The following MMP20 variants were observed in gnomAD, a reference collection of about 807,000 sequenced individuals.
The protein encoded by MMP20 is matrix metalloproteinase-20.
A neutral mutation model predicts 51.8 loss-of-function variants in MMP20; 50 were observed. That is an observed-to-expected ratio of 0.97 (90% CI 0.77 to 1.22). The LOEUF (loss-of-function observed/expected upper bound fraction) is 1.22. Among genes scored for constraint, MMP20 ranks in the 50% most tolerant of loss-of-function variants. The pLI, the probability that MMP20 is intolerant of heterozygous loss-of-function variation, is 0.00. For synonymous variants in MMP20, 244 were observed against 216.2 expected, an observed-to-expected ratio of 1.13 and a Z score of -1.13; for missense variants, 663 against 601.4, an observed-to-expected ratio of 1.10 and a Z score of -1.07.
rs769676911 is a variant in MMP20, at chr11:102,577,424, A to G, written c.1354T>C (p.Tyr452His). The change falls in exon 10 of 10, where the codon TAC (tyrosine) becomes CAC (histidine). Residue 452 changes from tyrosine to histidine, a missense_variant and splice_region_variant. By Grantham distance (83) the Tyr-to-His change is moderately conservative. Transcript: ENST00000260228. ...QIDAAVELNG[Y>H]IYFFSGPKTY... ...TTTGGTCCTGAAAAGAAGTAAATGT[A>G]GCCTAAAAGAGACAAAGTTGAAATT... The G allele has an allele frequency of 6.2e-7, 1 of 1,607,756 alleles. No individual in the cohort carries two copies. Among genetic ancestry groups the G allele is most frequent in the South Asian group, 1.1e-5 (1 of 90,940 alleles).
intron 6 of MMP20, among the ~76,000 whole-genome samples, chr11:102,598,006 A>T (rs887782507): frequency 4.6e-5 from 7 of 151,656 alleles, no homozygotes; most frequent in Non-Finnish European, 1.0e-4. Context: ...ACCTCAGGTG[A>T]TCTGCCTGCC....
intron 6 of MMP20, among the ~76,000 whole-genome samples, chr11:102,604,512 A>G (rs902279657): frequency 6.6e-6 from 1 of 152,192 alleles, no homozygotes; most frequent in Non-Finnish European, 1.5e-5. Context: ...AAGAATAGTA[A>G]CTGCCATTTA....
chr11:102,621,300 G>A (rs980181609), intron 1 of MMP20, among the ~76,000 whole-genome samples: 15 of 152,232 alleles, frequency 9.9e-5, no homozygotes, highest in African/African-American at 3.6e-4. Context: ...CACGCAGGAT[G>A]TTTACCTTGG....
chr11:102,619,587 CA>C (rs1026895473), intron 1 of MMP20, among the ~76,000 whole-genome samples: 12 of 151,548 alleles, frequency 7.9e-5, no homozygotes, highest in East Asian at 1.9e-4. Context: ...AAATAAATGC[CA>C]AAAAAATCCA....
chr11:102,589,627 T>G (rs1711402), intron 8 of MMP20, among the ~76,000 whole-genome samples: 1 of 152,110 alleles, frequency 6.6e-6, no homozygotes, highest in Non-Finnish European at 1.5e-5. Flanking sequence ...ATCCAAATTG[T>G]CAGATAATTG....
intron 3 of MMP20, among the ~76,000 whole-genome samples, chr11:102,610,780 G>A (rs367764369): frequency 2.7e-5 from 4 of 149,362 alleles, no homozygotes; most frequent in East Asian, 1.9e-4. Context: ...TTAAAAAGCC[G>A]ACAGAACAAA....
chr11:102,589,203 G>C (rs1293300599), intron 8 of MMP20, among the ~76,000 whole-genome samples: 1 of 152,088 alleles, frequency 6.6e-6, no homozygotes, highest in African/African-American at 2.4e-5. Flanking sequence ...GCTATTTTGT[G>C]CATCAGTAAA....
intron 1 of MMP20, 37 bp from the exon 2 acceptor site, chr11:102,617,096 A>G: frequency 2.5e-6 from 4 of 1,613,788 alleles, no homozygotes; most frequent in Non-Finnish European, 3.4e-6. Flanking sequence ...TCTACAGCGT[A>G]GTCTGGGAAA....
chr11:102,613,105 G>A (rs1375548469), intron 2 of MMP20, among the ~76,000 whole-genome samples: 1 of 152,216 alleles, frequency 6.6e-6, no homozygotes, highest in Non-Finnish European at 1.5e-5. Flanking sequence ...TTGAAAAAAG[G>A]GTGAGCCTTT....
At position 102,594,607 on chromosome 11, in the gene MMP20, G is replaced by T. The variant is rs766066167; in HGVS notation, c.1090+14C>A. 4.3e-6 allele frequency: 7 copies of T among 1,613,168 alleles called. No homozygotes were observed. The highest frequency in any genetic ancestry group is 4.0e-5 in the African/African-American group (3 of 74,866). Reference sequence around the variant, plus strand: ...AGCCCTGCCATTTCTTTCTTTGAGGGATCTGTAGGGTACCTTTGAAGAAGT... The same window carrying T: ...AGCCCTGCCATTTCTTTCTTTGAGGTATCTGTAGGGTACCTTTGAAGAAGT... On this transcript the variant is annotated intron_variant, in intron 7 of 9. Coordinates refer to ENST00000260228, the MANE Select transcript of MMP20 (RefSeq NM_004771.4).
At position 102,593,457 on chromosome 11, in the gene MMP20, A is replaced by T; in HGVS notation, c.1229T>A (p.Val410Glu). 6.2e-7 allele frequency: 1 copy of T among 1,614,138 alleles called. No individual in the cohort carries two copies. The highest frequency in any genetic ancestry group is 8.5e-7 in the Non-Finnish European group (1 of 1,179,980). Residue 410 changes from valine (V) to glutamate (E), a missense_variant, in exon 8 of 10, where the codon GTG becomes GAG. Physicochemically the swap from Val to Glu is moderately radical, Grantham distance 121 (BLOSUM62 -2). Coordinates refer to ENST00000260228, the MANE Select transcript of MMP20 (RefSeq NM_004771.4). Reference sequence around the variant, plus strand: ...GCCATACCTGTAGTATTCATCTCCCACAAAGAAAAGGGTCTTCTGTGGCTC... The same window carrying T: ...GCCATACCTGTAGTATTCATCTCCCTCAAAGAAAAGGGTCTTCTGTGGCTC... Reference protein sequence around the residue: ...LREPQKTLFFVGDEYYSYDER... With the variant: ...LREPQKTLFFEGDEYYSYDER...
chr11:102,617,063 A>G lies in MMP20; in HGVS notation c.127-4T>C. ...TGTAATATTTGTCAAGATACGCCTG[A>G]AATGGAGAGGCAGGCTGACGCGTCT... is the stretch of plus-strand genomic sequence containing the variant. On this transcript the variant is annotated splice_region_variant and splice_polypyrimidine_tract_variant and intron_variant, in intron 1 of 9. Transcript: ENST00000260228. 6.2e-7 allele frequency: 1 copy of G among 1,614,240 alleles called. No homozygotes were observed. Among genetic ancestry groups the G allele is most frequent in the Non-Finnish European group, 8.5e-7 (1 of 1,180,036 alleles).
At chr11:102,625,013 A>T (rs886787887) in intron 1 of MMP20, among the ~76,000 whole-genome samples, 181 bp downstream of exon 1, 2 of 152,230 alleles carry the variant, frequency 1.3e-5, no homozygotes, top group African/African-American at 4.8e-5. Context: ...GTAACATGGT[A>T]CACCTAATAT....
intron 6 of MMP20, among the ~76,000 whole-genome samples, chr11:102,599,376 G>C (rs1285403672): frequency 6.6e-6 from 1 of 152,132 alleles, no homozygotes; most frequent in Non-Finnish European, 1.5e-5. Context: ...CAGGTGATGT[G>C]GTGCAGTGAA....
At chr11:102,595,565 G>A (rs1859371984) in intron 6 of MMP20, among the ~76,000 whole-genome samples, 2 of 152,164 alleles carry the variant, frequency 1.3e-5, no homozygotes, top group African/African-American at 4.8e-5. Context: ...ATGCTGATTA[G>A]ACCCTGTAAA....
At chr11:102,585,023 C>T (rs1452470562) in intron 8 of MMP20, among the ~76,000 whole-genome samples, 1 of 152,066 alleles carries the variant, frequency 6.6e-6, no homozygotes, top group Non-Finnish European at 1.5e-5. Context: ...GTTACTGTTT[C>T]TTTGTAGTAA....
Position 102,594,667 on chromosome 11 carries a change from A to G in MMP20, c.1044T>C (p.Asp348=), listed in dbSNP as rs1169560015. 2 of 1,613,330 alleles carry G rather than the reference A, an allele frequency of 1.2e-6. No individual in the cohort carries two copies. Among genetic ancestry groups the G allele is most frequent in the Non-Finnish European group, 1.7e-6 (2 of 1,179,956 alleles). ...CCCTCTCAGCCACTTCGTAAGCTGC[A>G]TCCACATTGGACATGAGCTGGGGGA... ...SSFPQLMSNV[D]AAYEVAERGT... Residue 348 remains aspartate, a synonymous_variant, in exon 7 of 10, where the codon GAT becomes GAC. Transcript: ENST00000260228.
intron 8 of MMP20, among the ~76,000 whole-genome samples, chr11:102,584,747 T>C (rs1859235351): frequency 6.6e-6 from 1 of 152,208 alleles, no homozygotes; most frequent in Admixed American, 6.5e-5. Flanking sequence ...AAGAGTTTTG[T>C]CAGATTAGCT....
chr11:102,577,712 T>C (rs1019644084), intron 9 of MMP20, among the ~76,000 whole-genome samples: 1 of 152,192 alleles, frequency 6.6e-6, no homozygotes, highest in Admixed American at 6.5e-5. Context: ...GCTGCTCTCC[T>C]CCAGGAAGCC....
Sources: allele counts gnomAD v4.1 joint callset (sites outside exome capture counted in the v4.1 genomes callset), GRCh38; gene constraint gnomAD v4.1.1; transcripts MANE v1.5; gene names NCBI Gene and HGNC (gene_info 2026-07-23, HGNC 2026-07-21).